CDC73: variants seen among roughly 807,000 people sequenced by gnomAD.
The protein encoded by CDC73 is parafibromin.
Under a neutral mutation model 83.7 loss-of-function variants are expected in CDC73, and 21 were observed. That is an observed-to-expected ratio of 0.25 (90% CI 0.18 to 0.36). CDC73 has a LOEUF of 0.36. Among genes scored for constraint, CDC73 ranks in the 10% least tolerant of loss-of-function variants. The pLI is 1.00. For missense variants in CDC73, 342 were observed against 653.3 expected (o/e 0.52, Z 5.19); for synonymous variants, 224 against 212.9 (o/e 1.05, Z -0.45).
intron 11 of CDC73, among the ~76,000 whole-genome samples, chr1:193,204,217 GTATATA>G (rs1474875893): frequency 1.3e-3 from 16 of 12,398 alleles, no homozygotes; most frequent in African/African-American, 4.4e-3. Flanking sequence ...GTATATATAT[GTATATA>G]TATGTATATA....
intron 10 of CDC73, among the ~76,000 whole-genome samples, chr1:193,201,632 C>G (rs1677092820): frequency 6.6e-6 from 1 of 151,972 alleles, no homozygotes. Context: ...AGGATTATTA[C>G]TAGGGAAACA....
intron 10 of CDC73, among the ~76,000 whole-genome samples, chr1:193,173,834 A>G (rs1313570513): frequency 6.6e-6 from 1 of 152,194 alleles, no homozygotes; most frequent in Non-Finnish European, 1.5e-5. Context: ...TTACTAATGC[A>G]TTATGTAACA....
intron 15 of CDC73, among the ~76,000 whole-genome samples, chr1:193,248,817 A>G (rs1677995971): frequency 6.6e-6 from 1 of 152,070 alleles, no homozygotes; most frequent in South Asian, 2.1e-4. Flanking sequence ...CTCATGCTGG[A>G]ACTTGAATGG....
At chr1:193,163,187 GTA>G (rs1558294164) in intron 10 of CDC73, among the ~76,000 whole-genome samples, 21 of 151,176 alleles carry the variant, frequency 1.4e-4, no homozygotes, top group African/African-American at 4.9e-4. Flanking sequence ...GGGTGTGTGT[GTA>G]TATTTTTTTT....
At chr1:193,217,455 A>T (rs1677389635) in intron 13 of CDC73, among the ~76,000 whole-genome samples, 1 of 151,172 alleles carries the variant, frequency 6.6e-6, no homozygotes, top group Admixed American at 6.6e-5. Context: ...CAGAAAGGGG[A>T]TGGTTTTCCC....
chr1:193,198,537 A>G (rs1298302524), intron 10 of CDC73, among the ~76,000 whole-genome samples: 1 of 152,222 alleles, frequency 6.6e-6, no homozygotes, highest in Admixed American at 6.5e-5. Flanking sequence ...TGGATTTTCC[A>G]GCCTTCAGAA....
intron 10 of CDC73, chr1:193,180,880 G>A: frequency 6.2e-7 from 1 of 1,613,810 alleles, no homozygotes; most frequent in Non-Finnish European, 8.5e-7. Flanking sequence ...TGTTTTAATG[G>A]TCAAATTATA....
chr1:193,205,322 C>G (rs1202481853), intron 11 of CDC73, among the ~76,000 whole-genome samples: 2 of 149,230 alleles, frequency 1.3e-5, no homozygotes, highest in Non-Finnish European at 3.0e-5. Flanking sequence ...TTCACAGTAT[C>G]AATAGTGCAG....
At chr1:193,130,426 T>TCAC (rs1461896159) in intron 3 of CDC73, among the ~76,000 whole-genome samples, 183 bp downstream of exon 3, 5 of 152,260 alleles carry the variant, frequency 3.3e-5, no homozygotes, top group African/African-American at 4.8e-5. Flanking sequence ...TTATGGCCAG[T>TCAC]CACCCCTTCC....
intron 10 of CDC73, among the ~76,000 whole-genome samples, chr1:193,172,600 G>A (rs1282376758): frequency 1.3e-5 from 2 of 152,084 alleles, no homozygotes; most frequent in African/African-American, 2.4e-5. Context: ...TTGACAACCC[G>A]GGAACCATCT....
intron 5 of CDC73, among the ~76,000 whole-genome samples, chr1:193,137,027 A>G (rs1323534302): frequency 6.6e-6 from 1 of 152,224 alleles, no homozygotes; most frequent in Non-Finnish European, 1.5e-5. Context: ...TGTTACATAA[A>G]CAGCTATGGT....
intron 15 of CDC73, among the ~76,000 whole-genome samples, chr1:193,237,555 C>T (rs984807401): frequency 2.6e-5 from 4 of 152,086 alleles, no homozygotes; most frequent in African/African-American, 2.4e-5. Flanking sequence ...ACTTAGGCCT[C>T]CCAGAACGTG....
intron 10 of CDC73, among the ~76,000 whole-genome samples, chr1:193,198,249 A>G (rs1012814207): frequency 6.6e-6 from 1 of 152,192 alleles, no homozygotes; most frequent in Non-Finnish European, 1.5e-5. Context: ...ATGAGGTGTT[A>G]TGGTCTGAAT....
At chr1:193,225,245 GATAT>G (rs56261261) in intron 13 of CDC73, among the ~76,000 whole-genome samples, 6,858 of 143,350 alleles carry the variant, frequency 0.048, 217 homozygotes, top group African/African-American at 0.062. Context: ...AGTATTCCAT[GATAT>G]ATATATATAT....
intron 7 of CDC73, among the ~76,000 whole-genome samples, chr1:193,144,479 G>A (rs1675960680): frequency 6.6e-6 from 1 of 151,860 alleles, no homozygotes; most frequent in African/African-American, 2.4e-5. Context: ...GATTTTATGT[G>A]CATTTTTCAT....
At chr1:193,233,216 T>C in intron 14 of CDC73, 62 bp downstream of exon 14, 6 of 1,449,670 alleles carry the variant, frequency 4.1e-6, no homozygotes, top group Non-Finnish European at 5.8e-6. Flanking sequence ...ATGAATGTTG[T>C]TATTGCCGTT....
chr1:193,250,570 C>T (rs1325026397), intron 16 of CDC73, 106 bp from the exon 17 acceptor site: 3 of 789,528 alleles, frequency 3.8e-6, no homozygotes, highest in African/African-American at 1.7e-5. Context: ...GCATTTTATT[C>T]TGTTGATTTT....
At chr1:193,219,838 A>G (rs1473349755) in intron 13 of CDC73, among the ~76,000 whole-genome samples, 12 of 152,182 alleles carry the variant, frequency 7.9e-5, no homozygotes, top group Admixed American at 6.5e-4. Context: ...GTGACATGCA[A>G]TATACCCATG....
chr1:193,248,186 C>T (rs763427811), intron 15 of CDC73, among the ~76,000 whole-genome samples: 12 of 152,006 alleles, frequency 7.9e-5, no homozygotes, highest in Non-Finnish European at 1.8e-4. Context: ...TCTAAATATC[C>T]TAGGGCCGCT....
Sources: gnomAD v4.1 joint callset for allele counts (sites outside exome capture counted in the v4.1 genomes callset) on GRCh38, gnomAD v4.1.1 for gene constraint, MANE v1.5 for transcripts, NCBI Gene and HGNC (gene_info 2026-07-23, HGNC 2026-07-21) for gene names.